SLX9: variants seen among roughly 807,000 people sequenced by gnomAD.
SLX9 encodes the protein ribosome biogenesis protein SLX9 homolog.
In SLX9, 19 loss-of-function variants were observed where a neutral mutation model predicts 20.8. The observed-to-expected ratio is 0.91, with a 90% CI of 0.64 to 1.34. The LOEUF (loss-of-function observed/expected upper bound fraction) is 1.34. Among genes scored for constraint, SLX9 ranks in the 40% most tolerant of loss-of-function variants. The pLI, the probability that SLX9 is intolerant of heterozygous loss-of-function variation, is 0.00. For missense variants in SLX9, 299 were observed against 322.2 expected, an observed-to-expected ratio of 0.93 and a Z score of 0.55; for synonymous variants, 113 against 137.1, an observed-to-expected ratio of 0.82 and a Z score of 1.23.
At chr21:44,957,031 C>T (rs1016287615) in intron 2 of SLX9, among the ~76,000 whole-genome samples, 8 of 152,234 alleles carry the variant, frequency 5.3e-5, no homozygotes, top group Admixed American at 1.3e-4. Context: ...GGCTCCTGCG[C>T]GGCAGCGTCT....
chr21:44,939,775 A>C (rs2084503978), upstream of SLX9: 4 of 544,708 alleles, frequency 7.3e-6, no homozygotes, highest in South Asian at 1.6e-5. Context: ...CCGACCTTGG[A>C]CGCAACCCCG....
chr21:44,961,711 TAAG>T (rs1266967872), intron 3 of SLX9, among the ~76,000 whole-genome samples: 2 of 152,260 alleles, frequency 1.3e-5, no homozygotes, highest in Admixed American at 6.5e-5. Context: ...CTGATTAAAT[TAAG>T]AAGTTTTGTC....
chr21:44,973,799 G>T (rs931597853), intron 5 of SLX9, among the ~76,000 whole-genome samples: 2 of 152,136 alleles, frequency 1.3e-5, no homozygotes, highest in Non-Finnish European at 2.9e-5. Context: ...CCTCCACGCT[G>T]CTCCGCTGGC....
At chr21:44,966,893 G>A (rs2085045735) in intron 3 of SLX9, 141 bp from the exon 4 acceptor site, 1 of 1,080,604 alleles carries the variant, frequency 9.3e-7, no homozygotes, top group Admixed American at 2.3e-5. Flanking sequence ...CAGGTTCCCA[G>A]GGGCGGAATG....
intron 3 of SLX9, among the ~76,000 whole-genome samples, chr21:44,963,323 C>T (rs1601407778): frequency 1.3e-5 from 2 of 151,144 alleles, no homozygotes; most frequent in South Asian, 2.1e-4. Context: ...CTCTTGACCT[C>T]GTGATCCGCC....
chr21:44,967,231 G>T (rs2085054771), intron 4 of SLX9, 50 bp downstream of exon 4: 1 of 1,526,492 alleles, frequency 6.6e-7, no homozygotes, highest in Admixed American at 2.1e-5. Flanking sequence ...GCTGACCCGG[G>T]TCCAGAGGTG....
At chr21:44,975,351 C>T (rs1002480387) in intron 5 of SLX9, among the ~76,000 whole-genome samples, 9 of 152,214 alleles carry the variant, frequency 5.9e-5, no homozygotes, top group Middle Eastern at 3.2e-3. Context: ...TGGGAGGCCC[C>T]GTCTATGGGT....
At chr21:44,943,516 G>T (rs1446783954) in intron 1 of SLX9, among the ~76,000 whole-genome samples, 168 bp from the exon 2 acceptor site, 2 of 152,192 alleles carry the variant, frequency 1.3e-5, no homozygotes, top group African/African-American at 4.8e-5. Context: ...GGAACCGGAG[G>T]CTTCTGCTCT....
chr21:44,943,931 C>T, intron 2 of SLX9, 94 bp downstream of exon 2: 1 of 1,527,296 alleles, frequency 6.5e-7, no homozygotes. Context: ...TCCAGCTAAC[C>T]TGTACCTGAC....
At chr21:44,945,877 A>AGCTAACGCCACCACGCCCG (rs2084632849) in intron 2 of SLX9, among the ~76,000 whole-genome samples, 1 of 152,138 alleles carries the variant, frequency 6.6e-6, no homozygotes, top group Non-Finnish European at 1.5e-5. Context: ...CACCACGCCC[A>AGCTAACGCCACCACGCCCG]GCTAACGCCA....
intron 2 of SLX9, chr21:44,958,568 C>T (rs1159422947): frequency 6.6e-6 from 1 of 152,358 alleles, no homozygotes; most frequent in African/African-American, 2.4e-5. Flanking sequence ...CCCTCCGTAG[C>T]CCGCGGCACC....
intron 2 of SLX9, among the ~76,000 whole-genome samples, chr21:44,957,711 C>T (rs1195800301): frequency 6.6e-6 from 1 of 152,154 alleles, no homozygotes. Flanking sequence ...CACAGGGAGG[C>T]CTGGGCTCTG....
At chr21:44,968,450 G>T (rs1165693561) in intron 4 of SLX9, among the ~76,000 whole-genome samples, 1 of 152,270 alleles carries the variant, frequency 6.6e-6, no homozygotes, top group Non-Finnish European at 1.5e-5. Flanking sequence ...GGCAGCGGCT[G>T]CATGACCCTC....
At chr21:44,973,415 C>T in intron 5 of SLX9, 150 bp downstream of exon 5, 2 of 595,548 alleles carry the variant, frequency 3.4e-6, no homozygotes, top group South Asian at 3.9e-5. Context: ...CGCCCACCCT[C>T]TCCAGGGGTT....
At chr21:44,964,658 T>G (rs1279110351) in intron 3 of SLX9, among the ~76,000 whole-genome samples, 4 of 152,220 alleles carry the variant, frequency 2.6e-5, no homozygotes, top group Non-Finnish European at 5.9e-5. Flanking sequence ...ATGTCCCACT[T>G]GACTTTCCCA....
chr21:44,955,414 T>G (rs2084838460), intron 2 of SLX9, among the ~76,000 whole-genome samples: 1 of 152,244 alleles, frequency 6.6e-6, no homozygotes, highest in East Asian at 1.9e-4. Context: ...GCACTGCCTC[T>G]ACGTGAAGTT....
intron 4 of SLX9, among the ~76,000 whole-genome samples, chr21:44,970,932 G>A (rs1175870001): frequency 6.6e-6 from 1 of 152,204 alleles, no homozygotes; most frequent in Non-Finnish European, 1.5e-5. Flanking sequence ...GCCCTGCCCT[G>A]AGGGCCTCAT....
At chr21:44,974,450 AATCT>A (rs1291784118) in intron 5 of SLX9, among the ~76,000 whole-genome samples, 1 of 152,218 alleles carries the variant, frequency 6.6e-6, no homozygotes, top group African/African-American at 2.4e-5. Context: ...GGATCTCTCT[AATCT>A]ATCTGTCTTC....
chr21:44,944,538 A>G (rs2084609154), intron 2 of SLX9, among the ~76,000 whole-genome samples: 1 of 152,196 alleles, frequency 6.6e-6, no homozygotes, highest in African/African-American at 2.4e-5. Flanking sequence ...GAGCAGTGTC[A>G]CTTCCCAGGG....
Sources: allele counts gnomAD v4.1 joint callset (sites outside exome capture counted in the v4.1 genomes callset), GRCh38; gene constraint gnomAD v4.1.1; transcripts MANE v1.5; gene names NCBI Gene and HGNC (gene_info 2026-07-23, HGNC 2026-07-21).